Variants in HTR7 observed in about 807,000 individuals in gnomAD.
The protein encoded by HTR7 is 5-hydroxytryptamine receptor 7.
A neutral mutation model predicts 34.0 loss-of-function variants in HTR7; 16 were observed. The ratio of observed to expected loss-of-function variants is 0.47; its 90% CI spans 0.32 to 0.71. HTR7 has a LOEUF of 0.71. HTR7 is among the 30% of genes least tolerant of loss of function. The pLI, the probability that HTR7 is intolerant of heterozygous loss-of-function variation, is 0.04. For missense variants in HTR7, 504 were observed against 625.5 expected (o/e 0.81, Z 2.07); for synonymous variants, 265 against 260.2 (o/e 1.02, Z -0.18).
intron 1 of HTR7, among the ~76,000 whole-genome samples, chr10:90,813,946 C>T (rs1845858091): frequency 1.3e-5 from 2 of 152,166 alleles, no homozygotes; most frequent in Admixed American, 1.3e-4. Flanking sequence ...TCAAGCCTGT[C>T]TATAAAATCC....
chr10:90,823,231 C>T (rs992284624), intron 1 of HTR7, among the ~76,000 whole-genome samples: 2 of 152,150 alleles, frequency 1.3e-5, no homozygotes, highest in Admixed American at 6.5e-5. Flanking sequence ...AACACCAGCC[C>T]ATAAAAGCAG....
chr10:90,742,411 A>G lies in HTR7; in HGVS notation c.*71T>C. 6 of 1,175,920 alleles carry G rather than the reference A, an allele frequency of 5.1e-6. No individual in the cohort carries two copies. The highest frequency in any genetic ancestry group is 7.5e-6 in the Non-Finnish European group (6 of 801,260). The allele number at this position is 1,175,920 out of a possible 1,614,324, so 72.8% of individuals were successfully genotyped here. A position where few individuals can be genotyped will look rare whatever the true frequency, so the allele number is the denominator to read the frequency against. On this transcript the variant is annotated 3_prime_UTR_variant, in exon 4 of 4. Transcript: ENST00000336152. ...ACAGAAGCTGCATTCCATTCTGCAG[A>G]CTCAGCAAATGACTTCCTTCTGTTT...
chr10:90,752,575 G>C (rs1040285448), intron 1 of HTR7, among the ~76,000 whole-genome samples: 1 of 151,618 alleles, frequency 6.6e-6, no homozygotes, highest in Non-Finnish European at 1.5e-5. Context: ...AAAATGTACA[G>C]ATAATCTGAA....
chr10:90,759,440 G>A (rs1447460651), intron 1 of HTR7, among the ~76,000 whole-genome samples: 1 of 151,138 alleles, frequency 6.6e-6, no homozygotes, highest in Non-Finnish European at 1.5e-5. Context: ...TGGATCATGA[G>A]GTCAGGAGAT....
chr10:90,816,451 T>C (rs1845900969), intron 1 of HTR7, among the ~76,000 whole-genome samples: 1 of 152,226 alleles, frequency 6.6e-6, no homozygotes, highest in African/African-American at 2.4e-5. Flanking sequence ...ACAATTATTA[T>C]TGGATTCCAG....
intron 1 of HTR7, among the ~76,000 whole-genome samples, chr10:90,761,633 CGTGTGTGTGTGT>C (rs3981197): frequency 6.8e-6 from 1 of 147,374 alleles, no homozygotes; most frequent in African/African-American, 2.5e-5. Flanking sequence ...TGTGTGTATG[CGTGTGTGTGTGT>C]GTGTGTGTGT....
At chr10:90,834,360 T>C (rs1453349898) in intron 1 of HTR7, among the ~76,000 whole-genome samples, 1 of 150,094 alleles carries the variant, frequency 6.7e-6, no homozygotes, top group African/African-American at 2.4e-5. Flanking sequence ...ATAATCTGAA[T>C]ACATAAATAT....
intron 1 of HTR7, among the ~76,000 whole-genome samples, chr10:90,791,371 T>C (rs1845457018): frequency 6.6e-6 from 1 of 152,034 alleles, no homozygotes; most frequent in Admixed American, 6.6e-5. Context: ...GGGTGAGTAA[T>C]TTCAACTGGG....
intron 1 of HTR7, among the ~76,000 whole-genome samples, chr10:90,786,343 T>C (rs1227453623): frequency 6.6e-6 from 1 of 152,198 alleles, no homozygotes; most frequent in Non-Finnish European, 1.5e-5. Context: ...TATGTGTTCA[T>C]GGTTCTCTAT....
In HTR7 at chr10:90,857,072, C is replaced by T. The variant is rs981992589; in HGVS notation, c.539+61G>A. 2 of 1,433,238 alleles carry T rather than the reference C, an allele frequency of 1.4e-6. No individual in the cohort carries two copies. Among genetic ancestry groups the T allele is most frequent in the Non-Finnish European group, 1.9e-6 (2 of 1,073,322 alleles). The allele number at this position is 1,433,238 out of a possible 1,614,324, so 88.8% of individuals were successfully genotyped here. A position where few individuals can be genotyped will look rare whatever the true frequency, so the allele number is the denominator to read the frequency against. ...GATCCTCCCAGGAAAGGCGAGCGCGCGGGGCTGAGCTGCCAGCCGGTCCCC... is the reference window on the plus strand; with the variant it reads ...GATCCTCCCAGGAAAGGCGAGCGCGTGGGGCTGAGCTGCCAGCCGGTCCCC... On this transcript the variant is annotated intron_variant, in intron 1 of 3. Transcript: ENST00000336152. This position sits in a 1 kb window ranked among gnomAD's most constrained non-coding sequence, Gnocchi z 6.5.
intron 1 of HTR7, among the ~76,000 whole-genome samples, chr10:90,835,008 G>A (rs1320448042): frequency 1.3e-5 from 2 of 152,124 alleles, no homozygotes; most frequent in Non-Finnish European, 2.9e-5. Flanking sequence ...GCTATTCCCT[G>A]GAAGAAGAAT....
intron 1 of HTR7, among the ~76,000 whole-genome samples, chr10:90,805,512 C>G (rs1379617983): frequency 6.6e-6 from 1 of 152,118 alleles, no homozygotes; most frequent in Middle Eastern, 3.2e-3. Flanking sequence ...ACCTTGCTTG[C>G]CTTTGTTTTG....
chr10:90,819,652 C>T (rs1437444104), intron 1 of HTR7, among the ~76,000 whole-genome samples: 1 of 152,116 alleles, frequency 6.6e-6, no homozygotes, highest in Non-Finnish European at 1.5e-5. Flanking sequence ...TCTGAGATCA[C>T]TTTTTCTCTG....
intron 1 of HTR7, among the ~76,000 whole-genome samples, chr10:90,795,600 T>A (rs144870470): frequency 1.3e-3 from 202 of 152,340 alleles, no homozygotes; most frequent in South Asian, 2.5e-3. Context: ...TGAATTAGCA[T>A]AAAGTTGTAA....
chr10:90,771,618 C>T (rs115593028), intron 1 of HTR7, among the ~76,000 whole-genome samples: 2,223 of 152,318 alleles, frequency 0.015, 69 homozygotes, highest in African/African-American at 0.051. Flanking sequence ...AGAGAGCTGA[C>T]GCCCATGCCA....
chr10:90,828,437 TAAAC>T (rs986944086), intron 1 of HTR7, among the ~76,000 whole-genome samples: 5 of 151,952 alleles, frequency 3.3e-5, no homozygotes, highest in African/African-American at 1.2e-4. Flanking sequence ...TCTGAAAACA[TAAAC>T]AAACTTGACA....
Position 90,817,974 on chromosome 10 carries a change from T to C in HTR7, c.539+39159A>G, listed in dbSNP as rs554443507. ...GAAGATATACACAAAAGAATACATA[T>C]TTTATGAGTCTATTTATAGAAAAGG... On this transcript the variant is annotated intron_variant, in intron 1 of 3. Coordinates refer to ENST00000336152, the MANE Select transcript of HTR7 (RefSeq NM_019859.4). Among the ~76,000 whole-genome samples, 3 of 152,314 alleles carry C rather than the reference T, an allele frequency of 2.0e-5. No individual in the cohort carries two copies. The East Asian group carries it at 5.8e-4, about 29-fold the overall frequency.
chr10:90,753,634 T>A lies in HTR7; in HGVS notation c.540-4040A>T, dbSNP rs78581081. On this transcript the variant is annotated intron_variant, in intron 1 of 3. Coordinates refer to ENST00000336152, the MANE Select transcript of HTR7 (RefSeq NM_019859.4). The stretch of plus-strand genomic sequence containing the variant: ...TAGGATTTTGTCTTAAGAAGATAAT[T>A]GTACAAATGCAAAATGACTAATGTG... Among the ~76,000 whole-genome samples, 451 of 152,188 alleles carry A rather than the reference T, an allele frequency of 3.0e-3. 3 individuals are homozygous for A. The highest frequency in any genetic ancestry group is 0.01 in the African/African-American group (431 of 41,534).
rs1233726867 is a variant in HTR7 at position 90,848,213 on chromosome 10, C to T, written c.539+8920G>A. Reference sequence around the variant, plus strand: ...GAGTAACTGGGATTACAGGCATGCGCCAGCATACCCAGCTAATTTTGTATT... The same window carrying T: ...GAGTAACTGGGATTACAGGCATGCGTCAGCATACCCAGCTAATTTTGTATT... On this transcript the variant is annotated intron_variant, in intron 1 of 3. Coordinates refer to ENST00000336152, the MANE Select transcript of HTR7 (RefSeq NM_019859.4). Among the ~76,000 whole-genome samples the T allele has an allele frequency of 2.0e-5, 3 of 152,010 alleles. No individual in the cohort carries two copies. In the East Asian group the frequency reaches 5.8e-4, roughly 29 times the overall value.
Sources: allele counts gnomAD v4.1 joint callset (sites outside exome capture counted in the v4.1 genomes callset), GRCh38; gene constraint gnomAD v4.1.1; non-coding constraint Gnocchi (gnomAD v3.1); transcripts MANE v1.5; gene names NCBI Gene and HGNC (gene_info 2026-07-23, HGNC 2026-07-21).